NCALD: variants seen among roughly 807,000 people sequenced by gnomAD.
NCALD encodes neurocalcin delta, also known as neurocalcin-delta.
Under a neutral mutation model 18.6 loss-of-function variants are expected in NCALD, and 10 were observed. The ratio of observed to expected loss-of-function variants is 0.54; its 90% confidence interval spans 0.33 to 0.91. The LOEUF is 0.91. NCALD is among the 40% of genes least tolerant of loss of function. The pLI, the probability that NCALD is intolerant of heterozygous loss-of-function variation, is 0.03. For synonymous variants in NCALD, 88 were observed against 87.4 expected (o/e 1.01, Z -0.04); for missense variants, 184 against 247.6 (o/e 0.74, Z 1.72).
chr8:101,822,251 T>C (rs1586578574), intron 4 of NCALD, among the ~76,000 whole-genome samples: 2 of 152,176 alleles, frequency 1.3e-5, no homozygotes, highest in Admixed American at 6.5e-5. Context: ...TACTCAAAAT[T>C]AAAAATATTT....
chr8:102,013,548 C>T (rs1483876979), intron 2 of NCALD, among the ~76,000 whole-genome samples: 1 of 152,170 alleles, frequency 6.6e-6, no homozygotes, highest in African/African-American at 2.4e-5. Flanking sequence ...CTGGCCAGGG[C>T]AACCAGAACA....
chr8:101,729,937 G>A (rs1367402055), intron 1 of NCALD, among the ~76,000 whole-genome samples: 1 of 152,040 alleles, frequency 6.6e-6, no homozygotes, highest in East Asian at 1.9e-4. Flanking sequence ...TCCAAATATG[G>A]AAATACCATT....
At chr8:102,028,873 A>AG (rs898127679) in intron 1 of NCALD, 5 of 152,186 alleles carry the variant, frequency 3.3e-5, no homozygotes, top group African/African-American at 1.2e-4. Flanking sequence ...CTGAGACAAC[A>AG]GGTATAAACT....
At chr8:102,050,905 T>C (rs1018175500) in intron 1 of NCALD, among the ~76,000 whole-genome samples, 2 of 147,108 alleles carry the variant, frequency 1.4e-5, no homozygotes, top group African/African-American at 4.9e-5. Flanking sequence ...AATTTAATTT[T>C]ATATATAAGT....
intron 2 of NCALD, among the ~76,000 whole-genome samples, chr8:101,931,103 C>A (rs573169260): frequency 1.3e-5 from 2 of 152,264 alleles, no homozygotes; most frequent in East Asian, 3.9e-4. Context: ...TGGACCACTC[C>A]ATTGACTTTC....
At chr8:102,101,994 A>G (rs1050063791) in intron 1 of NCALD, among the ~76,000 whole-genome samples, 2 of 152,178 alleles carry the variant, frequency 1.3e-5, no homozygotes, top group African/African-American at 2.4e-5. Context: ...AGTAAATGCA[A>G]CTCTGAAACA....
intron 4 of NCALD, among the ~76,000 whole-genome samples, chr8:101,886,958 T>C (rs943982124): frequency 3.3e-5 from 5 of 152,206 alleles, no homozygotes; most frequent in African/African-American, 9.6e-5. Flanking sequence ...AGCTTTCTTT[T>C]CAGTAACATA....
intron 4 of NCALD, among the ~76,000 whole-genome samples, chr8:101,833,961 C>T (rs934486595): frequency 1.3e-5 from 2 of 152,194 alleles, no homozygotes; most frequent in African/African-American, 4.8e-5. Flanking sequence ...GCTTCTGCTA[C>T]TTGTGAGAAT....
intron 2 of NCALD, among the ~76,000 whole-genome samples, chr8:101,717,134 T>C (rs1321504620): frequency 6.6e-6 from 1 of 152,224 alleles, no homozygotes; most frequent in Non-Finnish European, 1.5e-5. Flanking sequence ...ACTAATTTGG[T>C]ATGATTCAGA....
At position 101,692,819 on chromosome 8, in the gene NCALD, G is replaced by C. The variant is rs1814793779; in HGVS notation, c.456C>G (p.Ile152Met). Residue 152 changes from isoleucine to methionine, a missense_variant, in exon 3 of 4, where the codon ATC becomes ATG. By Grantham distance (10) the Ile-to-Met change is conservative. Transcript: ENST00000220931. ...CTCTATTGGTGTCCATCTGGCGGAA[G>C]ATCTTTTCTGTTCTTTTCTCTGGGG... ...ESTPEKRTEKIFRQMDTNRDG... is the reference protein window; with the variant it reads ...ESTPEKRTEKMFRQMDTNRDG... 1.9e-6 allele frequency: 3 copies of C among 1,613,626 alleles called. No homozygotes were observed. The highest frequency in any genetic ancestry group is 3.3e-5 in the Admixed American group (2 of 59,996).
At chr8:101,963,880 C>G (rs545115463) in intron 2 of NCALD, among the ~76,000 whole-genome samples, 85 of 152,186 alleles carry the variant, frequency 5.6e-4, no homozygotes, top group African/African-American at 1.8e-3. Context: ...CACAGTCTCA[C>G]TGATACGGAA....
At chr8:101,723,730 A>G (rs1179559714) in intron 1 of NCALD, among the ~76,000 whole-genome samples, 3 of 152,214 alleles carry the variant, frequency 2.0e-5, no homozygotes, top group Non-Finnish European at 4.4e-5. Flanking sequence ...AATCACGGGA[A>G]TGGCCTACAA....
At chr8:101,708,696 A>G (rs1449928600) in intron 2 of NCALD, among the ~76,000 whole-genome samples, 1 of 152,334 alleles carries the variant, frequency 6.6e-6, no homozygotes, top group East Asian at 1.9e-4. Context: ...AGTAACTTGT[A>G]CAAGGGCATG....
At chr8:101,759,356 G>A (rs1011177369) in intron 1 of NCALD, among the ~76,000 whole-genome samples, 11 of 152,158 alleles carry the variant, frequency 7.2e-5, no homozygotes, top group African/African-American at 2.7e-4. Context: ...AACTGAGAGA[G>A]GGAGAGGGGG....
At chr8:101,952,161 G>C (rs1265786436) in intron 2 of NCALD, among the ~76,000 whole-genome samples, 1 of 152,176 alleles carries the variant, frequency 6.6e-6, no homozygotes, top group African/African-American at 2.4e-5. Flanking sequence ...GCCCCAGAGA[G>C]CTGCCCTCCT....
chr8:101,977,345 T>C (rs999831438), intron 2 of NCALD, among the ~76,000 whole-genome samples: 4 of 152,178 alleles, frequency 2.6e-5, no homozygotes, highest in African/African-American at 9.7e-5. Context: ...ATTCACACTC[T>C]ATGTTTGGAT....
intron 1 of NCALD, among the ~76,000 whole-genome samples, chr8:102,092,327 C>T (rs1587065757): frequency 6.6e-6 from 1 of 152,218 alleles, no homozygotes; most frequent in East Asian, 1.9e-4. Flanking sequence ...CAGCCAGCAG[C>T]CCTCGAGGCT....
intron 1 of NCALD, among the ~76,000 whole-genome samples, chr8:101,723,938 C>T (rs571952595): frequency 4.6e-5 from 7 of 152,282 alleles, no homozygotes; most frequent in African/African-American, 1.7e-4. Flanking sequence ...GGTAGAATCA[C>T]ATTTTTCTTA....
chr8:101,828,796 C>T (rs1221297571), intron 4 of NCALD, among the ~76,000 whole-genome samples: 1 of 151,960 alleles, frequency 6.6e-6, no homozygotes, highest in African/African-American at 2.4e-5. Flanking sequence ...ATCTGTGTCT[C>T]CTAGTTGGGA....
Sources: gnomAD v4.1 joint callset for allele counts (sites outside exome capture counted in the v4.1 genomes callset) on GRCh38, gnomAD v4.1.1 for gene constraint, MANE v1.5 for transcripts, NCBI Gene and HGNC (gene_info 2026-07-23, HGNC 2026-07-21) for gene names.